Variants in SIDT2 observed in about 807,000 individuals in gnomAD.
The protein encoded by SIDT2 is SID1 transmembrane family, member 2.
Under a neutral mutation model 114.4 loss-of-function variants are expected in SIDT2, and 68 were observed. The ratio of observed to expected loss-of-function variants is 0.59; its 90% confidence interval spans 0.49 to 0.73. The LOEUF is 0.73. SIDT2 is among the 30% of genes least tolerant of loss of function. The probability of loss-of-function intolerance (pLI) is 0.00; values close to 1 mark genes in which losing one functional copy is unlikely to be tolerated. For missense variants in SIDT2, 918 were observed against 1,097.1 expected (o/e 0.84, Z 2.31); for synonymous variants, 470 against 438.4 (o/e 1.07, Z -0.90).
chr11:117,185,110 C>T lies in SIDT2; in HGVS notation c.868+971C>T, dbSNP rs2030444852. Among the ~76,000 whole-genome samples, 4 of 148,164 alleles carry T rather than the reference C, an allele frequency of 2.7e-5. No individual in the cohort carries two copies. In the Admixed American group the frequency reaches 2.7e-4, roughly 10 times the overall value. ...TGTTGCCCAGGCTGGAGTGCAGTGG[C>T]GCAATCTCGGCTTACTGCAAGCTCC... On this transcript the variant is annotated intron_variant, in intron 8 of 25. Coordinates refer to ENST00000324225, the MANE Select transcript of SIDT2 (RefSeq NM_001040455.2).
chr11:117,183,793 CA>C lies in SIDT2; in HGVS notation c.718del (p.Ser240AlafsTer10), dbSNP rs754536007. On this transcript the variant is annotated frameshift_variant, in exon 7 of 26. Transcript: ENST00000324225. LOFTEE classifies it high-confidence loss of function. ...TCATCCTGCAGCGCAAAGACTTCCC[CA>C]GCAACAGCTTTTATGTGGTGGTGGT... is the stretch of plus-strand genomic sequence containing the variant. ...AITVQRKDFPSNSFYVVVVVK... is the reference protein window; with the variant it reads ...AITVQRKDFPXNSFYVVVVVK... The C allele has an allele frequency of 1.2e-6, 2 of 1,613,776 alleles. No individual in the cohort carries two copies. The highest frequency in any genetic ancestry group is 3.3e-5 in the Admixed American group (2 of 60,024).
chr11:117,180,367 C>T (rs114907020), intron 1 of SIDT2, among the ~76,000 whole-genome samples: 1 of 152,086 alleles, frequency 6.6e-6, no homozygotes, highest in South Asian at 2.1e-4. Context: ...TCTAAAGGCA[C>T]TGGAGAGCTG....
At chr11:117,182,482 A>T in intron 4 of SIDT2, 37 bp from the exon 5 acceptor site, 1 of 1,566,414 alleles carries the variant, frequency 6.4e-7, no homozygotes, top group Non-Finnish European at 8.8e-7. Flanking sequence ...GAGCATCCTC[A>T]TGAGATGGGG....
rs2030622488 is a variant in SIDT2, at chr11:117,189,483, G to C, written c.1419+82G>C. 3.4e-6 allele frequency: 5 copies of C among 1,458,264 alleles called. No homozygotes were observed. The South Asian group carries it at 6.1e-5, about 18-fold the overall frequency. The allele number at this position is 1,458,264 out of a possible 1,614,324, so 90.3% of individuals were successfully genotyped here. On this transcript the variant is annotated intron_variant, in intron 15 of 25. Transcript: ENST00000324225. ...CAGAGCCTCCCAGCCTGGGGCCCTG[G>C]TGTTCCATCACAGGACCTGGGTTCA... is the stretch of plus-strand genomic sequence containing the variant.
intron 2 of SIDT2, 73 bp downstream of exon 2, chr11:117,181,610 C>T (rs556561469): frequency 2.7e-5 from 44 of 1,602,990 alleles, no homozygotes; most frequent in Non-Finnish European, 3.6e-5. Context: ...AACCAGGAGC[C>T]CCCCCATTTC....
chr11:117,184,218 C>G (rs2030409020), intron 8 of SIDT2, 79 bp downstream of exon 8: 2 of 1,411,816 alleles, frequency 1.4e-6, no homozygotes, highest in South Asian at 2.4e-5. Flanking sequence ...TAGGGTGTGC[C>G]CTGAAGTGGG....
Position 117,188,110 on chromosome 11 carries a change from C to G in SIDT2, c.1159+411C>G. ...TGTGTCTTCTGAGATAGCAGCAGAG[C>G]ACAGGCTCCTTTGGCTGGCGGGCTG... is the stretch of plus-strand genomic sequence containing the variant. On this transcript the variant is annotated intron_variant, in intron 12 of 25. Coordinates refer to ENST00000324225, the MANE Select transcript of SIDT2 (RefSeq NM_001040455.2). This position sits in a 1 kb window ranked among gnomAD's most constrained non-coding sequence, Gnocchi z 4.0. 5.0e-6 allele frequency: 2 copies of G among 399,554 alleles called. No individual in the cohort carries two copies. Among genetic ancestry groups the G allele is most frequent in the Non-Finnish European group, 9.8e-6 (2 of 204,590 alleles). The allele number at this position is 399,554 out of a possible 1,614,324, so 24.8% of individuals were successfully genotyped here.
chr11:117,193,951 C>T lies in SIDT2; in HGVS notation c.2310C>T (p.Leu770=), dbSNP rs963673256. ...GFALFFFFQG[L]STWQKTPAES... ...CGCTCTTCTTCTTCTTCCAGGGACT[C>T]AGCACCTGGCAGGTGAGCACTCACC... The change falls in exon 24 of 26, where the codon CTC becomes CTT. Residue 770 remains leucine, a synonymous_variant. Transcript: ENST00000324225. The T allele has an allele frequency of 1.9e-6, 3 of 1,613,118 alleles. No individual in the cohort carries two copies. Among genetic ancestry groups the T allele is most frequent in the African/African-American group, 1.3e-5 (1 of 74,908 alleles).
At chr11:117,195,691 G>A in intron 24 of SIDT2, 111 bp from the exon 25 acceptor site, 1 of 1,079,290 alleles carries the variant, frequency 9.3e-7, no homozygotes, top group Non-Finnish European at 1.4e-6. Flanking sequence ...AATTGCTGCT[G>A]TCCTGCCTGG....
intron 25 of SIDT2, 26 bp from the exon 26 acceptor site, chr11:117,195,978 T>G (rs1426215848): frequency 1.9e-6 from 3 of 1,614,122 alleles, no homozygotes; most frequent in Non-Finnish European, 2.5e-6. Flanking sequence ...TCCTTCTCTG[T>G]GGCTGATCTG....
rs1223887265 is a variant in SIDT2, at chr11:117,197,256, G to C, written c.*1190G>C. On this transcript the variant is annotated 3_prime_UTR_variant, in exon 26 of 26. Transcript: ENST00000324225. ...TGGTCCACCCCAGATGCTGAGGATG[G>C]GGGAGCTCAGGCGGGGCCTCTGCTT... 1 of 152,560 alleles carries C rather than the reference G, an allele frequency of 6.6e-6. No individual in the cohort carries two copies. The highest frequency in any genetic ancestry group is 1.5e-5 in the Non-Finnish European group (1 of 68,056). 9.5% of individuals were successfully genotyped at this position (152,560 alleles called of 1,614,324 possible).
chr11:117,186,368 A>G lies in SIDT2; in HGVS notation c.962+145A>G. ...GTGGGGCTGTTAGAGTCTGTGGCCCATGAGCCTCTCTAGAAACCATCCCCT... is the reference window on the plus strand; with the variant it reads ...GTGGGGCTGTTAGAGTCTGTGGCCCGTGAGCCTCTCTAGAAACCATCCCCT... On this transcript the variant is annotated intron_variant, in intron 9 of 25. Transcript: ENST00000324225. The G allele has an allele frequency of 4.8e-6, 4 of 837,066 alleles. No individual in the cohort carries two copies. In the East Asian group the frequency reaches 1.0e-4, roughly 21 times the overall value. The allele number at this position is 837,066 out of a possible 1,614,324, so 51.9% of individuals were successfully genotyped here. A position where few individuals can be genotyped will look rare whatever the true frequency, so the allele number is the denominator to read the frequency against.
In SIDT2 at chr11:117,189,393, T is replaced by TA; in HGVS notation, c.1412dup (p.Tyr471Ter). The TA allele has an allele frequency of 6.2e-7, 1 of 1,613,974 alleles. No individual in the cohort carries two copies. The highest frequency in any genetic ancestry group is 1.3e-5 in the African/African-American group (1 of 75,026). The change falls in exon 15 of 26, where the codon TAC becomes TAAC. Residue 471 changes from tyrosine (Y) to a stop codon, truncating the protein, a stop_gained and frameshift_variant. Transcript: ENST00000324225. LOFTEE classifies it high-confidence loss of function. ...ALPVVQLVITYQTVVNVTGNQ... is the reference protein window; with the variant it reads ...ALPVVQLVIT ...TCCTGTGGTGCAGCTGGTGATCACC[T>TA]ACCAGACGGTGAGAGGGCAGGGCAG... is the stretch of plus-strand genomic sequence containing the variant.
Position 117,191,956 on chromosome 11 carries a change from G to A in SIDT2, c.1814G>A (p.Ser605Asn), listed in dbSNP as rs369593430. The change falls in exon 19 of 26, where the codon AGC becomes AAC. Residue 605 changes from serine to asparagine, a missense_variant. Physicochemically the swap from Ser to Asn is conservative, Grantham distance 46 (BLOSUM62 1). Coordinates refer to ENST00000324225, the MANE Select transcript of SIDT2 (RefSeq NM_001040455.2). ...YQKRHPDINA[S>N]AYSAYACLAI... ...AAGCGGCACCCGGACATCAACGCCA[G>A]CGCCTACAGTGCCTACGCCTGCCTG... 4.3e-6 allele frequency: 7 copies of A among 1,614,090 alleles called. No individual in the cohort carries two copies. The African/African-American group carries it at 9.3e-5, about 22-fold the overall frequency.
Position 117,192,079 on chromosome 11 carries a change from T to C in SIDT2, c.1872+65T>C. 1.2e-6 allele frequency: 2 copies of C among 1,603,686 alleles called. No homozygotes were observed. Among genetic ancestry groups the C allele is most frequent in the Non-Finnish European group, 1.7e-6 (2 of 1,173,008 alleles). On this transcript the variant is annotated intron_variant, in intron 19 of 25. Transcript: ENST00000324225. This position sits in a 1 kb window ranked among gnomAD's most constrained non-coding sequence, Gnocchi z 5.9. ...AAAGGTGCACGTGCGTTCAGACACG[T>C]AGTGCACACCCTCCGCCACCTCCTG... is the stretch of plus-strand genomic sequence containing the variant.
intron 1 of SIDT2, 113 bp downstream of exon 1, chr11:117,179,559 G>A: frequency 8.8e-7 from 1 of 1,137,286 alleles, no homozygotes; most frequent in Non-Finnish European, 1.2e-6. Flanking sequence ...TGTCCTGCTA[G>A]GTTCCCAGTT....
intron 14 of SIDT2, 25 bp from the exon 15 acceptor site, chr11:117,189,310 T>G (rs2030616564): frequency 6.2e-7 from 1 of 1,614,074 alleles, no homozygotes; most frequent in Non-Finnish European, 8.5e-7. Flanking sequence ...GCCACCCACC[T>G]CACTGCCGCC....
At position 117,193,116 on chromosome 11, in the gene SIDT2, G is replaced by A. The variant is rs372171900; in HGVS notation, c.2106-37G>A. The A allele has an allele frequency of 3.7e-5, 59 of 1,603,218 alleles. No homozygotes were observed. In the Middle Eastern group the frequency reaches 6.6e-4, roughly 18 times the overall value. ...CAGGAAGAGCACTTCCTTGCCCTTG[G>A]GCTTCCTGCTTCACCACCCTTCATC... On this transcript the variant is annotated intron_variant, in intron 22 of 25. Coordinates refer to ENST00000324225, the MANE Select transcript of SIDT2 (RefSeq NM_001040455.2).
Position 117,193,274 on chromosome 11 carries a change from CA to C in SIDT2, c.2211+18del. 6.3e-7 allele frequency: 1 copy of C among 1,597,760 alleles called. No individual in the cohort carries two copies. Among genetic ancestry groups the C allele is most frequent in the Non-Finnish European group, 8.6e-7 (1 of 1,167,156 alleles). On this transcript the variant is annotated intron_variant, in intron 23 of 25. Transcript: ENST00000324225. Reference sequence around the variant, plus strand: ...CATCATGAAGGTGAGTGGGGCTGGCCAAGCCCCCTCTGTCAGCTGCTCTGCT... The same window carrying C: ...CATCATGAAGGTGAGTGGGGCTGGCCAGCCCCCTCTGTCAGCTGCTCTGCT...
Sources: gnomAD v4.1 joint callset for allele counts (sites outside exome capture counted in the v4.1 genomes callset) on GRCh38, gnomAD v4.1.1 for gene constraint, Gnocchi (gnomAD v3.1) non-coding constraint, MANE v1.5 for transcripts, NCBI Gene and HGNC (gene_info 2026-07-23, HGNC 2026-07-21) for gene names.